LANCL2: variants seen among roughly 807,000 people sequenced by gnomAD.
LANCL2 encodes the protein lanC-like protein 2.
In LANCL2, 33 loss-of-function variants were observed where a neutral mutation model predicts 56.9. The observed-to-expected ratio is 0.58, with a 90% confidence interval of 0.44 to 0.78. The LOEUF (loss-of-function observed/expected upper bound fraction) is 0.78, where lower values mean the gene tolerates loss of function less well. Ranked by LOEUF, LANCL2 falls within the 30% of genes least tolerant of loss-of-function variation. LANCL2 has a pLI of 0.00. For missense variants in LANCL2, 562 were observed against 580.2 expected (o/e 0.97, Z 0.32); for synonymous variants, 233 against 228.2 (o/e 1.02, Z -0.19).
chr7:55,431,107 A>G, intron 8 of LANCL2, 119 bp from the exon 9 acceptor site: 1 of 570,230 alleles, frequency 1.8e-6, no homozygotes, highest in Non-Finnish European at 2.9e-6. Flanking sequence ...AGTCATCTTT[A>G]GAGTCCTCAG....
At chr7:55,413,672 G>T (rs1210412650) in intron 6 of LANCL2, among the ~76,000 whole-genome samples, 1 of 152,252 alleles carries the variant, frequency 6.6e-6, no homozygotes, top group Admixed American at 6.5e-5. Context: ...GCTGCGGCCA[G>T]CTCCTCCTGG....
chr7:55,368,724 T>G (rs1446092457), intron 1 of LANCL2, among the ~76,000 whole-genome samples: 1 of 152,072 alleles, frequency 6.6e-6, no homozygotes, highest in Non-Finnish European at 1.5e-5. Context: ...GTATTGAAGG[T>G]TGAAGTCCTA....
intron 2 of LANCL2, among the ~76,000 whole-genome samples, chr7:55,392,716 C>T (rs1790206042): frequency 6.6e-6 from 1 of 152,028 alleles, no homozygotes; most frequent in African/African-American, 2.4e-5. Context: ...AATTTTATTT[C>T]TAAAGAAATG....
chr7:55,390,068 G>A (rs1357126665), intron 1 of LANCL2, among the ~76,000 whole-genome samples: 1 of 152,180 alleles, frequency 6.6e-6, no homozygotes, highest in African/African-American at 2.4e-5. Flanking sequence ...AGTAGAATTT[G>A]CCCTCAAAGC....
chr7:55,401,186 A>G lies in LANCL2; in HGVS notation c.691A>G (p.Ile231Val), dbSNP rs142000933. The G allele has an allele frequency of 1.4e-4, 222 of 1,613,956 alleles. No homozygotes were observed. In the African/African-American group the frequency reaches 2.8e-3, roughly 20 times the overall value. ...ESAIKEVVNAIIESGKTLSRE... is the reference protein window; with the variant it reads ...ESAIKEVVNAVIESGKTLSRE... The stretch of plus-strand genomic sequence containing the variant: ...GTTATCTCTGTAGGTAGTCAATGCT[A>G]TTATTGAATCGGGTAAGACTTTGTC... The change falls in exon 5 of 9, where the codon ATT becomes GTT. Residue 231 changes from isoleucine (I) to valine (V), a missense_variant. Physicochemically the swap from Ile to Val is conservative, Grantham distance 29 (BLOSUM62 3). Transcript: ENST00000254770.
In LANCL2 at chr7:55,401,736, A is replaced by G. The variant is rs867596037; in HGVS notation, c.825+416A>G. ...GGGTACTTGAGATTAGGGAGTGGTGATGACTCTTAACGAGCATGCTGCCTT... is the reference window on the plus strand; with the variant it reads ...GGGTACTTGAGATTAGGGAGTGGTGGTGACTCTTAACGAGCATGCTGCCTT... On this transcript the variant is annotated intron_variant, in intron 5 of 8. Transcript: ENST00000254770. Among the ~76,000 whole-genome samples, 31 of 128,420 alleles carry G rather than the reference A, an allele frequency of 2.4e-4. 1 individual carries two copies. The highest frequency in any genetic ancestry group is 4.0e-4 in the Non-Finnish European group (24 of 59,854). 84.2% of individuals were successfully genotyped at this position (128,420 alleles called of 152,430 possible). A position where few individuals can be genotyped will look rare whatever the true frequency, so the allele number is the denominator to read the frequency against.
At chr7:55,369,111 T>A (rs1394174089) in intron 1 of LANCL2, among the ~76,000 whole-genome samples, 2 of 152,238 alleles carry the variant, frequency 1.3e-5, no homozygotes, top group African/African-American at 4.8e-5. Flanking sequence ...GATTCTCCTC[T>A]GTAAGTTTGA....
intron 5 of LANCL2, among the ~76,000 whole-genome samples, chr7:55,405,633 C>T (rs371858291): frequency 6.6e-6 from 1 of 151,268 alleles, no homozygotes; most frequent in African/African-American, 2.4e-5. Flanking sequence ...GGATTACAGG[C>T]GTCCACCACC....
chr7:55,426,968 G>A (rs1273092644), intron 7 of LANCL2, among the ~76,000 whole-genome samples: 2 of 152,218 alleles, frequency 1.3e-5, no homozygotes, highest in East Asian at 3.8e-4. Context: ...GGTTTTTCAG[G>A]TGGGCCAGGC....
chr7:55,407,141 A>G (rs185411273), intron 5 of LANCL2, among the ~76,000 whole-genome samples: 51 of 152,174 alleles, frequency 3.4e-4, no homozygotes, highest in Non-Finnish European at 7.1e-4. Context: ...CTATCCTTCA[A>G]CTCGTGCTGG....
intron 5 of LANCL2, among the ~76,000 whole-genome samples, chr7:55,405,963 A>G (rs1373725886): frequency 2.6e-5 from 4 of 152,182 alleles, no homozygotes; most frequent in Non-Finnish European, 5.9e-5. Flanking sequence ...TTGTCAGTGC[A>G]GAACTACGAT....
At chr7:55,393,022 A>G (rs1790210140) in intron 2 of LANCL2, among the ~76,000 whole-genome samples, 1 of 152,220 alleles carries the variant, frequency 6.6e-6, no homozygotes, top group Non-Finnish European at 1.5e-5. Context: ...TACACTTCAC[A>G]TCAAAAAATG....
At chr7:55,416,216 G>T (rs1452233860) in intron 6 of LANCL2, among the ~76,000 whole-genome samples, 6 of 152,162 alleles carry the variant, frequency 3.9e-5, no homozygotes, top group African/African-American at 1.4e-4. Flanking sequence ...GACCAGGGTT[G>T]ATTAATGTTG....
chr7:55,388,545 GA>G (rs1790150985), intron 1 of LANCL2, among the ~76,000 whole-genome samples: 1 of 152,204 alleles, frequency 6.6e-6, no homozygotes, highest in Non-Finnish European at 1.5e-5. Flanking sequence ...CTCTGTTAAA[GA>G]AAGGAATGGA....
chr7:55,417,909 A>G (rs752368164), intron 6 of LANCL2, among the ~76,000 whole-genome samples: 2 of 151,900 alleles, frequency 1.3e-5, no homozygotes, highest in Non-Finnish European at 2.9e-5. Flanking sequence ...CAAACTCCTG[A>G]GCTCAAGTGA....
At chr7:55,398,377 G>A (rs1790280642) in intron 2 of LANCL2, 46 bp from the exon 3 acceptor site, 2 of 1,376,672 alleles carry the variant, frequency 1.5e-6, no homozygotes, top group Admixed American at 3.4e-5. Context: ...GAAGATAAAA[G>A]GAAAAGATAA....
chr7:55,395,101 A>G (rs1392446835), intron 2 of LANCL2, among the ~76,000 whole-genome samples: 1 of 152,252 alleles, frequency 6.6e-6, no homozygotes, highest in Non-Finnish European at 1.5e-5. Flanking sequence ...TCACTTAGCA[A>G]GAGGACACTG....
At chr7:55,421,339 C>CT (rs11416515) in intron 6 of LANCL2, among the ~76,000 whole-genome samples, 66,965 of 104,544 alleles carry the variant, frequency 0.64, 22,500 homozygotes, top group East Asian at 0.68. Context: ...TCTGTTGACT[C>CT]TTTTTTTTTT....
At chr7:55,368,773 G>A (rs1040846212) in intron 1 of LANCL2, among the ~76,000 whole-genome samples, 1 of 138,292 alleles carries the variant, frequency 7.2e-6, no homozygotes, top group African/African-American at 2.8e-5. Context: ...TGGAAATAAG[G>A]TCATGGCAGA....
Sources: gnomAD v4.1 joint callset for allele counts (sites outside exome capture counted in the v4.1 genomes callset) on GRCh38, gnomAD v4.1.1 for gene constraint, MANE v1.5 for transcripts, NCBI Gene and HGNC (gene_info 2026-07-23, HGNC 2026-07-21) for gene names.